Variants in SWT1 observed in about 807,000 individuals in gnomAD.
The protein encoded by SWT1 is transcriptional protein SWT1.
A neutral mutation model predicts 107.3 loss-of-function variants in SWT1; 33 were observed. The observed-to-expected ratio is 0.31, with a 90% CI of 0.23 to 0.41. SWT1 has a LOEUF of 0.41. Ranked by LOEUF, SWT1 falls within the 10% of genes least tolerant of loss-of-function variation. The probability of loss-of-function intolerance (pLI) is 1.00; values close to 1 mark genes in which losing one functional copy is unlikely to be tolerated. For missense variants in SWT1, 898 were observed against 1,028.9 expected (o/e 0.87, Z 1.74); for synonymous variants, 345 against 348.3 (o/e 0.99, Z 0.11).
At chr1:185,210,623 T>G (rs188359636) in intron 13 of SWT1, among the ~76,000 whole-genome samples, 2 of 152,280 alleles carry the variant, frequency 1.3e-5, no homozygotes, top group Admixed American at 1.3e-4. Flanking sequence ...AGCATTCCCT[T>G]TGAAAACCAG....
chr1:185,257,741 T>G (rs1443686634), intron 16 of SWT1, among the ~76,000 whole-genome samples: 1 of 152,286 alleles, frequency 6.6e-6, no homozygotes, highest in African/African-American at 2.4e-5. Context: ...CACCGCCTTC[T>G]GCGTCGCTCA....
intron 16 of SWT1, among the ~76,000 whole-genome samples, chr1:185,249,878 T>G (rs1199119923): frequency 1.3e-5 from 2 of 152,218 alleles, no homozygotes; most frequent in South Asian, 4.1e-4. Context: ...TTGAGGAGCC[T>G]CCTCAAGCTG....
intron 16 of SWT1, among the ~76,000 whole-genome samples, chr1:185,259,531 CCCACTTA>C (rs1476439120): frequency 8.6e-5 from 13 of 152,032 alleles, no homozygotes; most frequent in Non-Finnish European, 1.9e-4. Flanking sequence ...CATCAGAATG[CCCACTTA>C]CTTTTATGTT....
At position 185,174,470 on chromosome 1, in the gene SWT1, A is replaced by G. The variant is rs1204316850; in HGVS notation, c.323A>G (p.Asn108Ser). The change falls in exon 5 of 19, where the codon AAT becomes AGT. Residue 108 changes from asparagine to serine, a missense_variant. Transcript: ENST00000367500. ...KLKEASYSNDNQIILQSPSSN... is the reference protein window; with the variant it reads ...KLKEASYSNDSQIILQSPSSN... The stretch of plus-strand genomic sequence containing the variant: ...AAAGAAGCATCATATTCAAATGATA[A>G]TCAAATTATTTTGCAGAGTCCTTCT... 1.2e-6 allele frequency: 2 copies of G among 1,610,488 alleles called. No individual in the cohort carries two copies. Among genetic ancestry groups the G allele is most frequent in the East Asian group, 2.2e-5 (1 of 44,856 alleles).
intron 16 of SWT1, among the ~76,000 whole-genome samples, chr1:185,234,396 TG>T (rs1463823013): frequency 1.3e-5 from 2 of 152,200 alleles, no homozygotes; most frequent in Non-Finnish European, 2.9e-5. Context: ...GATCTTTGTT[TG>T]TTTAAAGTGT....
chr1:185,159,542 A>G (rs1378421577), intron 1 of SWT1, among the ~76,000 whole-genome samples: 3 of 152,094 alleles, frequency 2.0e-5, no homozygotes, highest in Non-Finnish European at 2.9e-5. Context: ...AGGAAGAAGA[A>G]TTCACTCATT....
intron 12 of SWT1, among the ~76,000 whole-genome samples, chr1:185,206,145 T>C (rs191443761): frequency 1.6e-3 from 237 of 152,032 alleles, no homozygotes; most frequent in African/African-American, 5.0e-3. Context: ...TTTTAGTAGC[T>C]ATGGGGTTTC....
At chr1:185,257,209 C>T (rs1662620918) in intron 16 of SWT1, among the ~76,000 whole-genome samples, 1 of 152,126 alleles carries the variant, frequency 6.6e-6, no homozygotes, top group South Asian at 2.1e-4. Flanking sequence ...ACATTTAAGT[C>T]TGCAGAGGTT....
At chr1:185,231,013 T>C (rs927052107) in intron 15 of SWT1, among the ~76,000 whole-genome samples, 5 of 152,188 alleles carry the variant, frequency 3.3e-5, no homozygotes, top group African/African-American at 1.2e-4. Flanking sequence ...CCTTTCAAAG[T>C]GTTGAGATGA....
At chr1:185,184,493 C>G (rs945823053) in intron 8 of SWT1, 149 bp downstream of exon 8, 25 of 617,786 alleles carry the variant, frequency 4.0e-5, no homozygotes, top group Non-Finnish European at 7.0e-5. Flanking sequence ...TTATAAAAGC[C>G]TTTACAGGTT....
intron 16 of SWT1, among the ~76,000 whole-genome samples, chr1:185,252,322 G>T (rs930824935): frequency 7.2e-5 from 11 of 152,228 alleles, no homozygotes; most frequent in African/African-American, 2.6e-4. Flanking sequence ...GGGTCAAATG[G>T]TATTTCCAGT....
rs1224482740 is a variant in SWT1, at chr1:185,175,037, T to C, written c.890T>C (p.Val297Ala). ...TCAGATTTTACATATAAGCGGACTG[T>C]TCATGAGTGGAAACGAAAACATCAT... ...LLSDFTYKRTVHEWKRKHHYD... is the reference protein window; with the variant it reads ...LLSDFTYKRTAHEWKRKHHYD... Residue 297 changes from valine (V) to alanine (A), a missense_variant, in exon 5 of 19, where the codon GTT (valine) becomes GCT (alanine). Coordinates refer to ENST00000367500, the MANE Select transcript of SWT1 (RefSeq NM_017673.7). The C allele has an allele frequency of 1.2e-6, 2 of 1,602,340 alleles. No individual in the cohort carries two copies. Among genetic ancestry groups the C allele is most frequent in the Admixed American group, 3.5e-5 (2 of 57,774 alleles).
At chr1:185,198,845 A>G (rs1303051749) in intron 10 of SWT1, among the ~76,000 whole-genome samples, 2 of 149,940 alleles carry the variant, frequency 1.3e-5, no homozygotes, top group African/African-American at 2.5e-5. Context: ...TTCACATGAG[A>G]TGGGGCTCCT....
In SWT1 at chr1:185,276,254, T is replaced by A. The variant is rs532223602; in HGVS notation, c.2509-350T>A. Among the ~76,000 whole-genome samples the A allele has an allele frequency of 3.1e-4, 47 of 152,284 alleles. 1 individual carries two copies. In the South Asian group the frequency reaches 7.1e-3, roughly 23 times the overall value. The stretch of plus-strand genomic sequence containing the variant: ...AGACCTCAATAATCTGAAAAATATA[T>A]TTCTTCAGAAAATGTCTGTAAATCA... On this transcript the variant is annotated intron_variant, in intron 17 of 18. Coordinates refer to ENST00000367500, the MANE Select transcript of SWT1 (RefSeq NM_017673.7).
intron 16 of SWT1, among the ~76,000 whole-genome samples, chr1:185,258,294 C>A (rs1027800548): frequency 1.3e-5 from 2 of 152,098 alleles, no homozygotes; most frequent in African/African-American, 2.4e-5. Context: ...CTTTCCTCTC[C>A]TTATTTTCTA....
At chr1:185,194,504 A>T (rs1038278942) in intron 10 of SWT1, among the ~76,000 whole-genome samples, 1 of 151,872 alleles carries the variant, frequency 6.6e-6, no homozygotes, top group Non-Finnish European at 1.5e-5. Flanking sequence ...TTCAAATATT[A>T]TACTGCTTCA....
rs750517259 is a variant in SWT1, at chr1:185,174,388, G to C, written c.241G>C (p.Asp81His). Residue 81 changes from aspartate (D) to histidine (H), a missense_variant, in exon 5 of 19, where the codon GAC becomes CAC. By Grantham distance (81) the Asp-to-His change is moderately conservative. This residue lies in a region of SWT1 where 382 missense variants were observed against 362.4 expected (regional missense o/e 1.05). Coordinates refer to ENST00000367500, the MANE Select transcript of SWT1 (RefSeq NM_017673.7). ...QGLKRLSVEIDTLRRRPKIGS... is the reference protein window; with the variant it reads ...QGLKRLSVEIHTLRRRPKIGS... ...GTTTTACAGATTGAGTGTAGAAATT[G>C]ACACTCTCAGAAGGAGACCAAAAAT... 1.3e-6 allele frequency: 2 copies of C among 1,550,770 alleles called. No individual in the cohort carries two copies. The highest frequency in any genetic ancestry group is 2.5e-5 in the South Asian group (2 of 79,122).
Position 185,184,750 on chromosome 1 carries a change from C to G in SWT1, c.1248C>G (p.Asp416Glu). Residue 416 changes from aspartate (D) to glutamate (E), a missense_variant, in exon 9 of 19, where the codon GAC (aspartate) becomes GAG (glutamate). Coordinates refer to ENST00000367500, the MANE Select transcript of SWT1 (RefSeq NM_017673.7). ...ILKTTEVPGFDKLVLIIPWVV... is the reference protein window; with the variant it reads ...ILKTTEVPGFEKLVLIIPWVV... ...AATCTTTTTATTTTTTAGGTTTTGACAAACTTGTGTTAATAATTCCCTGGG... is the reference window on the plus strand; with the variant it reads ...AATCTTTTTATTTTTTAGGTTTTGAGAAACTTGTGTTAATAATTCCCTGGG... 6.2e-7 allele frequency: 1 copy of G among 1,604,882 alleles called. No homozygotes were observed. The highest frequency in any genetic ancestry group is 8.5e-7 in the Non-Finnish European group (1 of 1,176,926).
rs1653669398 is a variant in SWT1 at position 185,157,307 on chromosome 1, C to T, written c.-17C>T. ...TCCGGAGTTGCCACTGCCGCCGGCG[C>T]TGGTAAGGTAGGAACTGCGGGGTGC... is the stretch of plus-strand genomic sequence containing the variant. On this transcript the variant is annotated 5_prime_UTR_variant, in exon 1 of 19. Coordinates refer to ENST00000367500, the MANE Select transcript of SWT1 (RefSeq NM_017673.7). 1 of 152,798 alleles carries T rather than the reference C, an allele frequency of 6.5e-6. No individual in the cohort carries two copies. The highest frequency in any genetic ancestry group is 1.9e-4 in the East Asian group (1 of 5,186). The allele number at this position is 152,798 out of a possible 1,614,324, so 9.5% of individuals were successfully genotyped here.
Sources: allele counts gnomAD v4.1 joint callset (sites outside exome capture counted in the v4.1 genomes callset), GRCh38; gene constraint gnomAD v4.1.1; regional missense constraint gnomAD v4.1.1; transcripts MANE v1.5; gene names NCBI Gene and HGNC (gene_info 2026-07-23, HGNC 2026-07-21).